Variants in PDE1A observed in about 807,000 individuals in gnomAD.
PDE1A encodes the protein phosphodiesterase 1A.
A neutral mutation model predicts 61.7 loss-of-function variants in PDE1A; 35 were observed. The ratio of observed to expected loss-of-function variants is 0.57; its 90% confidence interval spans 0.43 to 0.75. PDE1A has a LOEUF of 0.75. Among genes scored for constraint, PDE1A ranks in the 30% least tolerant of loss-of-function variants. PDE1A has a pLI of 0.00. For synonymous variants in PDE1A, 232 were observed against 213.2 expected (o/e 1.09, Z -0.77); for missense variants, 597 against 630.6 (o/e 0.95, Z 0.57).
intron 1 of PDE1A, among the ~76,000 whole-genome samples, chr2:182,421,137 A>G (rs1472087800): frequency 6.6e-6 from 1 of 152,148 alleles, no homozygotes; most frequent in Non-Finnish European, 1.5e-5. Flanking sequence ...TAGTCTGACT[A>G]CTATAAATGT....
chr2:182,657,089 G>A, the PDE1A span, among the ~76,000 whole-genome samples: 3 of 152,100 alleles, frequency 2.0e-5, no homozygotes, highest in Admixed American at 6.6e-5. Flanking sequence ...TTGGCTTGGT[G>A]GTGCATGCCT....
chr2:182,466,684 A>T (rs12478132), intron 2 of PDE1A, among the ~76,000 whole-genome samples: 24,683 of 151,906 alleles, frequency 0.16, 2,471 homozygotes, highest in Middle Eastern at 0.31. Context: ...AGATCTTCAA[A>T]GAAGGGGTGT....
the PDE1A span, among the ~76,000 whole-genome samples, chr2:182,580,595 C>G: frequency 6.6e-6 from 1 of 152,156 alleles, no homozygotes; most frequent in South Asian, 2.1e-4. Flanking sequence ...GGAAACAGTT[C>G]AGTCCATAGC....
Position 182,403,571 on chromosome 2 carries a change from C to T in PDE1A, c.53+23007G>A, listed in dbSNP as rs1471767652. Among the ~76,000 whole-genome samples, 50 of 146,746 alleles carry T rather than the reference C, an allele frequency of 3.4e-4. No homozygotes were observed. The East Asian group carries it at 4.2e-3, about 12-fold the overall frequency. ...CCGAGATCGCGCCACTGCACTCCAG[C>T]CTGGGCGACAGAGCCAGACTCCGTC... On this transcript the variant is annotated intron_variant, in intron 1 of 13. Coordinates refer to ENST00000351439, the Ensembl canonical transcript of PDE1A.
At chr2:182,514,952 C>T (rs1690041380) in intron 2 of PDE1A, among the ~76,000 whole-genome samples, 1 of 152,306 alleles carries the variant, frequency 6.6e-6, no homozygotes, top group African/African-American at 2.4e-5. Context: ...GTTTATTTAG[C>T]CACACACCCA....
At chr2:182,265,629 T>G (rs1042151821) in intron 1 of PDE1A, among the ~76,000 whole-genome samples, 1 of 152,166 alleles carries the variant, frequency 6.6e-6, no homozygotes, top group African/African-American at 2.4e-5. Flanking sequence ...CTTGAGATAA[T>G]TGTTATATAG....
chr2:182,404,719 G>C (rs538789252), intron 1 of PDE1A, among the ~76,000 whole-genome samples: 1 of 152,238 alleles, frequency 6.6e-6, no homozygotes, highest in African/African-American at 2.4e-5. Flanking sequence ...CACAAGGTCA[G>C]GATAATATCA....
At chr2:182,666,114 A>C in the PDE1A span, among the ~76,000 whole-genome samples, 4 of 152,290 alleles carry the variant, frequency 2.6e-5, no homozygotes, top group Admixed American at 6.5e-5. Context: ...GCAAGGCTTA[A>C]TTCCTAGGTG....
At position 182,221,856 on chromosome 2, in the gene PDE1A, ACT is replaced by A. The variant is rs964289806; in HGVS notation, c.776+2006_776+2007del. Among the ~76,000 whole-genome samples, 34 of 152,016 alleles carry A rather than the reference ACT, an allele frequency of 2.2e-4. No individual in the cohort carries two copies. The South Asian group carries it at 2.7e-3, about 12-fold the overall frequency. On this transcript the variant is annotated intron_variant, in intron 7 of 13. Transcript: ENST00000351439. ...CTGACCAAGTGCATATAGACAGGTC[ACT>A]CTACCTCTCGAGGTCTTCATTTTCT...
At chr2:182,621,444 A>G in the PDE1A span, among the ~76,000 whole-genome samples, 1 of 152,152 alleles carries the variant, frequency 6.6e-6, no homozygotes, top group Non-Finnish European at 1.5e-5. Flanking sequence ...CTCAGTAAAA[A>G]GGAGATTCCA....
downstream of PDE1A, among the ~76,000 whole-genome samples, chr2:182,166,353 C>T (rs1691652390): frequency 6.6e-6 from 1 of 152,150 alleles, no homozygotes; most frequent in African/African-American, 2.4e-5. Context: ...GGGAGACACT[C>T]AGCTTGCTCT....
the PDE1A span, among the ~76,000 whole-genome samples, chr2:182,713,700 T>A: frequency 2.0e-5 from 3 of 152,112 alleles, no homozygotes; most frequent in Non-Finnish European, 4.4e-5. Context: ...CTTGACTCCA[T>A]CCCTCTCATA....
chr2:182,668,460 T>C, the PDE1A span, among the ~76,000 whole-genome samples: 8 of 150,646 alleles, frequency 5.3e-5, no homozygotes, highest in African/African-American at 2.0e-4. Flanking sequence ...AAAAAACCAA[T>C]AGAGGCCACC....
At chr2:182,420,299 C>G (rs922018105) in intron 1 of PDE1A, among the ~76,000 whole-genome samples, 3 of 151,630 alleles carry the variant, frequency 2.0e-5, no homozygotes, top group Non-Finnish European at 2.9e-5. Context: ...ACAGGTGGGC[C>G]CAGATCATCA....
intron 1 of PDE1A, among the ~76,000 whole-genome samples, chr2:182,319,122 T>C (rs1396930551): frequency 6.6e-6 from 1 of 152,170 alleles, no homozygotes; most frequent in Admixed American, 6.6e-5. Flanking sequence ...AAAAAGAAAT[T>C]GTGCAATATG....
chr2:182,192,123 C>T (rs1056986724), intron 10 of PDE1A, among the ~76,000 whole-genome samples: 1 of 152,052 alleles, frequency 6.6e-6, no homozygotes. Flanking sequence ...TCCCAGAGTG[C>T]TAGGATTACT....
At chr2:182,292,148 G>A (rs1694578741) in intron 1 of PDE1A, among the ~76,000 whole-genome samples, 1 of 152,066 alleles carries the variant, frequency 6.6e-6, no homozygotes, top group African/African-American at 2.4e-5. Context: ...TGCTTTGTGT[G>A]TATAAGGGGC....
upstream of PDE1A, among the ~76,000 whole-genome samples, chr2:182,527,392 A>C (rs1301964135): frequency 7.6e-6 from 1 of 132,016 alleles, no homozygotes; most frequent in Non-Finnish European, 1.6e-5. Flanking sequence ...ATATATACAC[A>C]CATATATATA....
At chr2:182,417,786 A>T (rs1703009933) in intron 1 of PDE1A, among the ~76,000 whole-genome samples, 1 of 152,180 alleles carries the variant, frequency 6.6e-6, no homozygotes, top group Admixed American at 6.5e-5. Flanking sequence ...GGAATACATC[A>T]AACCTTTCTA....
Sources: allele counts gnomAD v4.1 joint callset (sites outside exome capture counted in the v4.1 genomes callset), GRCh38; gene constraint gnomAD v4.1.1; transcripts MANE v1.5; gene names NCBI Gene and HGNC (gene_info 2026-07-23, HGNC 2026-07-21).